SRP54: variants seen among roughly 807,000 people sequenced by gnomAD.
SRP54 encodes signal recognition particle subunit SRP54.
Under a neutral mutation model 64.8 loss-of-function variants are expected in SRP54, and 10 were observed. That is an observed-to-expected ratio of 0.15 (90% CI 0.10 to 0.26). The LOEUF is 0.26. Ranked by LOEUF, SRP54 falls within the 10% of genes least tolerant of loss-of-function variation. The pLI, the probability that SRP54 is intolerant of heterozygous loss-of-function variation, is 1.00. For missense variants in SRP54, 325 were observed against 613.7 expected (o/e 0.53, Z 4.97); for synonymous variants, 193 against 185.6 (o/e 1.04, Z -0.32).
intron 11 of SRP54, among the ~76,000 whole-genome samples, chr14:35,017,894 G>A (rs8015622): frequency 0.17 from 26,528 of 152,124 alleles, 2,560 homozygotes; most frequent in East Asian, 0.38. Flanking sequence ...GCCAAGGTGG[G>A]AGGATCATTT....
intron 10 of SRP54, 43 bp downstream of exon 10, chr14:35,013,945 CGATGT>C (rs747960980): frequency 7.5e-7 from 1 of 1,338,614 alleles, no homozygotes; most frequent in Non-Finnish European, 1.1e-6. Context: ...CCAAGAAATA[CGATGT>C]ATCTTTAGGA....
At chr14:35,002,943 G>A (rs2044200960) in intron 4 of SRP54, among the ~76,000 whole-genome samples, 1 of 151,150 alleles carries the variant, frequency 6.6e-6, no homozygotes, top group Admixed American at 6.6e-5. Context: ...ACAAGGTTTT[G>A]CCATGTTGCC....
At position 34,999,013 on chromosome 14, in the gene SRP54, G is replaced by GT. The variant is rs67731589; in HGVS notation, c.79-545_79-544insT. 8.8e-3 allele frequency among the ~76,000 whole-genome samples: 347 copies of GT among 39,550 alleles called. 1 individual carries two copies. Among genetic ancestry groups the GT allele is most frequent in the East Asian group, 0.019 (7 of 364 alleles). The allele number at this position is 39,550 out of a possible 152,430, so 25.9% of individuals were successfully genotyped here. On this transcript the variant is annotated intron_variant, in intron 2 of 15. Transcript: ENST00000216774. ...TGTGTGTGTGTGTGTGTGTGTGTGT[G>GT]GTTTTTTTTTTTTTTTTTTGAGACA...
chr14:35,007,556 TATAAAATATATTTAC>T (rs914008209), intron 5 of SRP54, among the ~76,000 whole-genome samples, 169 bp downstream of exon 5: 41 of 135,904 alleles, frequency 3.0e-4, no homozygotes, highest in Non-Finnish European at 5.9e-4. Flanking sequence ...TGTTATTTTA[TATAAAATATATTTAC>T]ATAAAATATA....
At chr14:35,002,491 G>C (rs1343732839) in intron 4 of SRP54, among the ~76,000 whole-genome samples, 2 of 149,788 alleles carry the variant, frequency 1.3e-5, no homozygotes, top group Non-Finnish European at 3.0e-5. Context: ...GAAGTGCAAT[G>C]GCATGATCTC....
intron 1 of SRP54, among the ~76,000 whole-genome samples, chr14:34,989,242 C>T (rs979397142): frequency 2.0e-5 from 3 of 152,140 alleles, no homozygotes; most frequent in Admixed American, 2.0e-4. Flanking sequence ...TGGCTCATGC[C>T]TGTCTATAAT....
intron 2 of SRP54, 87 bp downstream of exon 2, chr14:34,996,874 A>G: frequency 2.1e-6 from 2 of 942,620 alleles, no homozygotes; most frequent in Non-Finnish European, 3.4e-6. Context: ...CTGTATTTAT[A>G]TGTATTTTGA....
chr14:34,995,134 GGTGTGTGTGTGTGTGTGTGTGT>G (rs35829734), intron 1 of SRP54, among the ~76,000 whole-genome samples: 28 of 70,324 alleles, frequency 4.0e-4, no homozygotes, highest in East Asian at 2.2e-3. Context: ...ATCAATAAAG[GGTGTGTGTGTGTGTGTGTGTGT>G]GTGTGTGTGT....
intron 1 of SRP54, among the ~76,000 whole-genome samples, chr14:34,991,138 T>G (rs1245261627): frequency 6.7e-6 from 1 of 149,262 alleles, no homozygotes; most frequent in Non-Finnish European, 1.5e-5. Flanking sequence ...TTGTTGTTGT[T>G]GTTGTTGTTG....
intron 1 of SRP54, among the ~76,000 whole-genome samples, chr14:34,995,134 GGTGTGTGTGTGTGTGTGTGTGTGT>G (rs35829734): frequency 1.2e-3 from 86 of 70,328 alleles, no homozygotes; most frequent in Non-Finnish European, 2.0e-3. Flanking sequence ...ATCAATAAAG[GGTGTGTGTGTGTGTGTGTGTGTGT>G]GTGTGTGTGT....
At chr14:35,008,133 CAG>C (rs761480983) in intron 5 of SRP54, among the ~76,000 whole-genome samples, 5 of 152,128 alleles carry the variant, frequency 3.3e-5, no homozygotes, top group Non-Finnish European at 5.9e-5. Context: ...TTTTTTTAGA[CAG>C]AGTCTTACTT....
intron 7 of SRP54, among the ~76,000 whole-genome samples, chr14:35,010,223 G>C (rs1411478502): frequency 6.6e-6 from 1 of 151,992 alleles, no homozygotes; most frequent in Admixed American, 6.6e-5. Flanking sequence ...TTAGGCGGGT[G>C]GATCACCTGA....
chr14:34,999,069 C>T (rs1352726388), intron 2 of SRP54, among the ~76,000 whole-genome samples: 1 of 129,238 alleles, frequency 7.7e-6, no homozygotes, highest in African/African-American at 2.9e-5. Context: ...GGCTGGAGTG[C>T]AGTGGCACTA....
intron 11 of SRP54, among the ~76,000 whole-genome samples, chr14:35,017,462 G>T (rs898812239): frequency 6.6e-6 from 1 of 152,062 alleles, no homozygotes. Flanking sequence ...TATCACTTCT[G>T]TATAAATGGC....
chr14:34,991,400 G>A (rs934800932), intron 1 of SRP54, among the ~76,000 whole-genome samples: 2 of 151,882 alleles, frequency 1.3e-5, no homozygotes, highest in African/African-American at 4.8e-5. Flanking sequence ...AAAGTGCTGG[G>A]ATTACAGGCA....
At chr14:34,987,253 A>ATT (rs2043912835) in intron 1 of SRP54, among the ~76,000 whole-genome samples, 1 of 118,780 alleles carries the variant, frequency 8.4e-6, no homozygotes, top group African/African-American at 2.8e-5. Context: ...AAAAATATAT[A>ATT]TATATATGTG....
At chr14:34,995,135 GTGTGTGTGTGTGTGT>G (rs2044048747) in intron 1 of SRP54, among the ~76,000 whole-genome samples, 45 of 56,692 alleles carry the variant, frequency 7.9e-4, no homozygotes, top group African/African-American at 2.8e-3. Flanking sequence ...TCAATAAAGG[GTGTGTGTGTGTGTGT>G]GTGTGTGTGT....
intron 7 of SRP54, among the ~76,000 whole-genome samples, chr14:35,011,079 A>T (rs1224279154): frequency 6.6e-6 from 1 of 150,416 alleles, no homozygotes. Context: ...GGCATATTCC[A>T]CTATGCCAGC....
chr14:35,014,467 A>G (rs1354011039), intron 10 of SRP54, among the ~76,000 whole-genome samples: 1 of 151,506 alleles, frequency 6.6e-6, no homozygotes, highest in East Asian at 1.9e-4. Flanking sequence ...TTTAGTAGAG[A>G]CGGGGTTTCA....
Sources: gnomAD v4.1 joint callset for allele counts (sites outside exome capture counted in the v4.1 genomes callset) on GRCh38, gnomAD v4.1.1 for gene constraint, MANE v1.5 for transcripts, NCBI Gene and HGNC (gene_info 2026-07-23, HGNC 2026-07-21) for gene names.